CCSER1: variants seen among roughly 807,000 people sequenced by gnomAD.
CCSER1 encodes the protein coiled-coil serine rich protein 1.
In CCSER1, 41 loss-of-function variants were observed where a neutral mutation model predicts 82.0. The ratio of observed to expected loss-of-function variants is 0.50; its 90% CI spans 0.39 to 0.65. The LOEUF is 0.65. Ranked by LOEUF, CCSER1 falls within the 30% of genes least tolerant of loss-of-function variation. CCSER1 has a pLI of 0.00. For synonymous variants in CCSER1, 414 were observed against 383.9 expected (o/e 1.08, Z -0.92); for missense variants, 1,119 against 1,064.2 (o/e 1.05, Z -0.72).
intron 1 of CCSER1, among the ~76,000 whole-genome samples, chr4:90,251,808 A>T (rs1722431089): frequency 6.6e-6 from 1 of 151,528 alleles, no homozygotes. Context: ...ATTCCTTTTA[A>T]TTCTTTTATT....
intron 6 of CCSER1, among the ~76,000 whole-genome samples, chr4:90,700,696 T>A (rs1280279838): frequency 2.0e-5 from 3 of 152,206 alleles, no homozygotes; most frequent in African/African-American, 7.2e-5. Context: ...TGGTGTGAGA[T>A]GGTATCTCAC....
intron 3 of CCSER1, among the ~76,000 whole-genome samples, chr4:90,387,490 T>A (rs1750241280): frequency 6.6e-6 from 1 of 152,126 alleles, no homozygotes; most frequent in Non-Finnish European, 1.5e-5. Flanking sequence ...AGTGTCTTTG[T>A]TTAGAATGGA....
At chr4:90,541,792 A>C (rs1179606869) in intron 5 of CCSER1, among the ~76,000 whole-genome samples, 1 of 151,942 alleles carries the variant, frequency 6.6e-6, no homozygotes, top group Non-Finnish European at 1.5e-5. Context: ...TGTTTTCAAA[A>C]CTGGCACTTT....
chr4:91,460,440 G>A (rs143529606), intron 10 of CCSER1, among the ~76,000 whole-genome samples: 134 of 152,156 alleles, frequency 8.8e-4, no homozygotes, highest in Non-Finnish European at 1.7e-3. Flanking sequence ...AATTCAGTCC[G>A]ATGGCTCTAA....
At chr4:91,533,488 G>A (rs910547737) in intron 10 of CCSER1, among the ~76,000 whole-genome samples, 3 of 152,156 alleles carry the variant, frequency 2.0e-5, no homozygotes, top group African/African-American at 7.2e-5. Flanking sequence ...GATTACGGTA[G>A]TTGAAATATG....
At chr4:90,261,334 C>G (rs1560898314) in intron 1 of CCSER1, among the ~76,000 whole-genome samples, 1 of 151,986 alleles carries the variant, frequency 6.6e-6, no homozygotes, top group Admixed American at 6.6e-5. Flanking sequence ...CTGGAAAACA[C>G]TTTATCTCTT....
At chr4:90,883,136 A>G (rs1009054042) in intron 8 of CCSER1, among the ~76,000 whole-genome samples, 2 of 152,088 alleles carry the variant, frequency 1.3e-5, no homozygotes. Flanking sequence ...CTGAACTCAT[A>G]GTCATAGCAC....
At position 91,018,723 on chromosome 4, in the gene CCSER1, T is replaced by C. The variant is rs555400094; in HGVS notation, c.2173-67227T>C. On this transcript the variant is annotated intron_variant, in intron 9 of 10. Transcript: ENST00000509176. ...TTTCAGACACCTGAGTCCTTTCTCA[T>C]GCTGAACCCCCTCTGCTTGATATAT... is the stretch of plus-strand genomic sequence containing the variant. 2.0e-5 allele frequency among the ~76,000 whole-genome samples: 3 copies of C among 152,154 alleles called. No homozygotes were observed. In the East Asian group the frequency reaches 5.8e-4, roughly 30 times the overall value.
intron 10 of CCSER1, among the ~76,000 whole-genome samples, chr4:91,264,522 T>G: frequency 6.6e-6 from 1 of 152,022 alleles, no homozygotes; most frequent in East Asian, 1.9e-4. Context: ...AAGCTTCCTT[T>G]ATGTTTTCTT....
chr4:91,566,186 T>C (rs1373193464), intron 10 of CCSER1, among the ~76,000 whole-genome samples: 1 of 152,188 alleles, frequency 6.6e-6, no homozygotes, highest in African/African-American at 2.4e-5. Context: ...ATGTGATGAA[T>C]CACATTTATT....
chr4:90,146,304 C>A (rs1436920962), intron 1 of CCSER1, among the ~76,000 whole-genome samples: 1 of 151,980 alleles, frequency 6.6e-6, no homozygotes, highest in African/African-American at 2.4e-5. Flanking sequence ...TATGTAAAGT[C>A]TCTTTAAATT....
At chr4:91,075,178 A>ATTTT (rs34000064) in intron 9 of CCSER1, among the ~76,000 whole-genome samples, 9 of 148,836 alleles carry the variant, frequency 6.0e-5, no homozygotes, top group African/African-American at 2.0e-4. Flanking sequence ...AGGAAGTTCT[A>ATTTT]TTTTTTTTTT....
At chr4:91,030,158 C>T (rs1385648959) in intron 9 of CCSER1, among the ~76,000 whole-genome samples, 1 of 151,726 alleles carries the variant, frequency 6.6e-6, no homozygotes, top group Non-Finnish European at 1.5e-5. Flanking sequence ...TAGAAAATTG[C>T]AGAATTGGGA....
chr4:91,338,082 G>C (rs1287598608), intron 10 of CCSER1, among the ~76,000 whole-genome samples: 2 of 152,008 alleles, frequency 1.3e-5, no homozygotes, highest in African/African-American at 4.8e-5. Flanking sequence ...TCTTGTATGT[G>C]AACACTGACT....
intron 10 of CCSER1, among the ~76,000 whole-genome samples, chr4:91,231,266 TTAAC>T (rs1021383177): frequency 6.6e-6 from 1 of 151,882 alleles, no homozygotes; most frequent in Admixed American, 6.6e-5. Flanking sequence ...TGGAATATAA[TTAAC>T]AGTATTTTAA....
At chr4:91,506,974 C>G (rs963482463) in intron 10 of CCSER1, among the ~76,000 whole-genome samples, 1 of 151,990 alleles carries the variant, frequency 6.6e-6, no homozygotes, top group Non-Finnish European at 1.5e-5. Flanking sequence ...TGCCTCATTT[C>G]TTATAATTGA....
At position 91,078,220 on chromosome 4, in the gene CCSER1, C is replaced by T. The variant is rs1265222081; in HGVS notation, c.2173-7730C>T. Among the ~76,000 whole-genome samples the T allele has an allele frequency of 2.6e-5, 4 of 152,162 alleles. No homozygotes were observed. The East Asian group carries it at 7.7e-4, about 29-fold the overall frequency. On this transcript the variant is annotated intron_variant, in intron 9 of 10. Coordinates refer to ENST00000509176, the MANE Select transcript of CCSER1 (RefSeq NM_001145065.2). ...AGGGGCCTACTAACACCTCATAAGG[C>T]TGGTTGCCCCTCTGAGACGAAGCTT... is the stretch of plus-strand genomic sequence containing the variant.
intron 1 of CCSER1, among the ~76,000 whole-genome samples, chr4:90,294,566 C>T (rs1042387675): frequency 1.3e-5 from 2 of 151,948 alleles, no homozygotes; most frequent in African/African-American, 4.8e-5. Flanking sequence ...CCAGTGGAAA[C>T]CACTGTTAAT....
At chr4:90,845,794 T>G (rs1763160964) in intron 8 of CCSER1, among the ~76,000 whole-genome samples, 1 of 147,946 alleles carries the variant, frequency 6.8e-6, no homozygotes, top group Admixed American at 6.9e-5. Context: ...AATGTTTTTC[T>G]TATTTCAACT....
Sources: gnomAD v4.1 joint callset for allele counts (sites outside exome capture counted in the v4.1 genomes callset) on GRCh38, gnomAD v4.1.1 for gene constraint, MANE v1.5 for transcripts, NCBI Gene and HGNC (gene_info 2026-07-23, HGNC 2026-07-21) for gene names.